Variants in PPEF2 observed in about 807,000 individuals in gnomAD.
PPEF2 encodes serine/threonine-protein phosphatase with EF-hands 2.
Under a neutral mutation model 84.7 loss-of-function variants are expected in PPEF2, and 84 were observed. The ratio of observed to expected loss-of-function variants is 0.99; its 90% CI spans 0.83 to 1.19. The LOEUF is 1.19. Among genes scored for constraint, PPEF2 ranks in the 50% most tolerant of loss-of-function variants. The pLI, the probability that PPEF2 is intolerant of heterozygous loss-of-function variation, is 0.00. For synonymous variants in PPEF2, 346 were observed against 345.2 expected (o/e 1.00, Z -0.03); for missense variants, 924 against 937.5 (o/e 0.99, Z 0.19).
chr4:75,893,796 C>G (rs1168210468), intron 2 of PPEF2, among the ~76,000 whole-genome samples: 1 of 151,912 alleles, frequency 6.6e-6, no homozygotes. Flanking sequence ...ATGAGACATA[C>G]GTATTACATC....
At position 75,861,041 on chromosome 4, in the gene PPEF2, T is replaced by C. The variant is rs1159831793; in HGVS notation, c.2009-121A>G. 4 of 1,191,348 alleles carry C rather than the reference T, an allele frequency of 3.4e-6. No individual in the cohort carries two copies. In the African/African-American group the frequency reaches 4.6e-5, roughly 14 times the overall value. The allele number at this position is 1,191,348 out of a possible 1,614,324, so 73.8% of individuals were successfully genotyped here. A position where few individuals can be genotyped will look rare whatever the true frequency, so the allele number is the denominator to read the frequency against. ...CAACAGAGAGACACACAAATCCTAG[T>C]ATCTAATTTAAACTCCCAAGAGGAT... On this transcript the variant is annotated intron_variant, in intron 16 of 16. Transcript: ENST00000286719.
intron 8 of PPEF2, among the ~76,000 whole-genome samples, chr4:75,883,817 CAAAAAAAAA>C (rs35897623): frequency 1.2e-4 from 7 of 60,700 alleles, no homozygotes; most frequent in African/African-American, 4.2e-4. Context: ...GACTCCGTCA[CAAAAAAAAA>C]AAAAAAAAAA....
Position 75,867,387 on chromosome 4 carries a change from G to A in PPEF2, c.1682C>T (p.Ala561Val). The A allele has an allele frequency of 6.2e-7, 1 of 1,613,984 alleles. No individual in the cohort carries two copies. Among genetic ancestry groups the A allele is most frequent in the Non-Finnish European group, 8.5e-7 (1 of 1,179,928 alleles). ...ISRVEESALR[A>V]LREKLFAHSS... is the part of the protein sequence containing the mutation. ...ATGAGCAAACAGCTTCTCCCTCAGAGCTCTCAGAGCCGACTCCTCCACTCT... is the reference window on the plus strand; with the variant it reads ...ATGAGCAAACAGCTTCTCCCTCAGAACTCTCAGAGCCGACTCCTCCACTCT... Residue 561 changes from alanine (A) to valine (V), a missense_variant, in exon 14 of 17, where the codon GCT (alanine) becomes GTT (valine). Coordinates refer to ENST00000286719, the MANE Select transcript of PPEF2 (RefSeq NM_006239.3).
At chr4:75,882,602 C>T (rs1724606370) in intron 10 of PPEF2, among the ~76,000 whole-genome samples, 1 of 150,730 alleles carries the variant, frequency 6.6e-6, no homozygotes, top group Admixed American at 6.7e-5. Flanking sequence ...CAATGGCAAT[C>T]AGAGCTCACT....
intron 11 of PPEF2, among the ~76,000 whole-genome samples, chr4:75,873,653 G>A (rs1724338710): frequency 1.3e-5 from 2 of 152,202 alleles, no homozygotes; most frequent in Non-Finnish European, 2.9e-5. Flanking sequence ...CAGTGCCAAT[G>A]CTCCAGGCTA....
rs375727917 is a variant in PPEF2 at position 75,876,383 on chromosome 4, C to G, written c.1224G>C (p.Leu408=). Residue 408 remains leucine (L), a synonymous_variant, in exon 11 of 17, where the codon CTG becomes CTC. Coordinates refer to ENST00000286719, the MANE Select transcript of PPEF2 (RefSeq NM_006239.3). The part of the protein sequence containing the change: ...LERCRQQAGL[L]VTGEKEEPSR... ...AGGGCTCCTCTTTCTCTCCGGTCAC[C>G]AGGAGGCCTGCTTGCTGCCGGCACC... 9 of 1,613,998 alleles carry G rather than the reference C, an allele frequency of 5.6e-6. No homozygotes were observed. The highest frequency in any genetic ancestry group is 7.6e-6 in the Non-Finnish European group (9 of 1,180,052).
At chr4:75,876,173 G>T in intron 11 of PPEF2, 114 bp downstream of exon 11, 1 of 1,192,906 alleles carries the variant, frequency 8.4e-7, no homozygotes. Context: ...CTGGGGTGTT[G>T]TTACCCCAGA....
At chr4:75,883,486 A>G (rs1724632141) in intron 8 of PPEF2, 3 of 400,268 alleles carry the variant, frequency 7.5e-6, no homozygotes, top group Non-Finnish European at 1.3e-5. Flanking sequence ...AAACAAATTC[A>G]ATGGTTTCAT....
intron 13 of PPEF2, among the ~76,000 whole-genome samples, chr4:75,869,675 C>T (rs963771019): frequency 6.6e-6 from 1 of 152,002 alleles, no homozygotes; most frequent in Non-Finnish European, 1.5e-5. Flanking sequence ...AGTGAGACTT[C>T]GTCTCTACAA....
chr4:75,870,020 G>A (rs1724231003), intron 13 of PPEF2, among the ~76,000 whole-genome samples: 1 of 152,164 alleles, frequency 6.6e-6, no homozygotes, highest in Admixed American at 6.5e-5. Context: ...GGTAAATCAG[G>A]TGATGTTGTA....
At chr4:75,899,649 A>G (rs1725077950) in intron 1 of PPEF2, among the ~76,000 whole-genome samples, 1 of 152,162 alleles carries the variant, frequency 6.6e-6, no homozygotes, top group Non-Finnish European at 1.5e-5. Context: ...TGGCTAGTTT[A>G]TTTTGAATAA....
chr4:75,884,299 G>A (rs547327199), intron 8 of PPEF2, among the ~76,000 whole-genome samples: 27 of 152,000 alleles, frequency 1.8e-4, no homozygotes, highest in African/African-American at 5.6e-4. Context: ...ATGGTGGTGC[G>A]TGCCTGTAAT....
intron 1 of PPEF2, among the ~76,000 whole-genome samples, chr4:75,898,498 C>T (rs1725056400): frequency 6.6e-6 from 1 of 152,262 alleles, no homozygotes. Flanking sequence ...AAGAAGCCAG[C>T]TTGACCTGCT....
At chr4:75,862,673 A>G (rs998392282) in intron 16 of PPEF2, among the ~76,000 whole-genome samples, 2 of 152,228 alleles carry the variant, frequency 1.3e-5, no homozygotes, top group African/African-American at 4.8e-5. Flanking sequence ...GGATGTAGAG[A>G]AACTGGAACC....
At chr4:75,888,372 T>A in intron 5 of PPEF2, 44 bp from the exon 6 acceptor site, 1 of 1,432,326 alleles carries the variant, frequency 7.0e-7, no homozygotes, top group Non-Finnish European at 9.8e-7. Flanking sequence ...AACACTGATA[T>A]TCGTGAGGGA....
intron 10 of PPEF2, among the ~76,000 whole-genome samples, chr4:75,882,470 A>G (rs548037108): frequency 5.5e-4 from 83 of 152,118 alleles, no homozygotes; most frequent in African/African-American, 1.8e-3. Flanking sequence ...CCCCACTGGC[A>G]TGTACATGGT....
rs1724422844 is a variant in PPEF2, at chr4:75,876,589, C to T, written c.1018G>A (p.Ala340Thr). The T allele has an allele frequency of 6.2e-7, 1 of 1,613,060 alleles. No homozygotes were observed. The highest frequency in any genetic ancestry group is 8.5e-7 in the Non-Finnish European group (1 of 1,179,476). ...EKRRANQKSS[A>T]QGPIPWFLPE... ...AGAAACCATGGGATGGGTCCCTGTGCAGAGCTCTTCTGGTTGGCTCTTCTC... is the reference window on the plus strand; with the variant it reads ...AGAAACCATGGGATGGGTCCCTGTGTAGAGCTCTTCTGGTTGGCTCTTCTC... The change falls in exon 11 of 17, where the codon GCA becomes ACA. Residue 340 changes from alanine (A) to threonine (T), a missense_variant. Coordinates refer to ENST00000286719, the MANE Select transcript of PPEF2 (RefSeq NM_006239.3).
intron 16 of PPEF2, among the ~76,000 whole-genome samples, chr4:75,862,292 CAAAAAAAA>C (rs545540824): frequency 1.0e-4 from 8 of 77,412 alleles, no homozygotes; most frequent in African/African-American, 3.4e-4. Flanking sequence ...GACTCCATCT[CAAAAAAAA>C]AAAAAAAAAA....
Position 75,876,601 on chromosome 4 carries a change from G to C in PPEF2, c.1006C>G (p.Gln336Glu). The change falls in exon 11 of 17, where the codon CAG (glutamine) becomes GAG (glutamate). Residue 336 changes from glutamine to glutamate, a missense_variant. Transcript: ENST00000286719. The stretch of plus-strand genomic sequence containing the variant: ...ATGGGTCCCTGTGCAGAGCTCTTCT[G>C]GTTGGCTCTTCTCTTCTCCTCCATC... The part of the protein sequence containing the change: ...KQMEEKRRAN[Q>E]KSSAQGPIPW... The C allele has an allele frequency of 6.2e-7, 1 of 1,608,528 alleles. No homozygotes were observed. Among genetic ancestry groups the C allele is most frequent in the South Asian group, 1.1e-5 (1 of 90,154 alleles).
Sources: allele counts gnomAD v4.1 joint callset (sites outside exome capture counted in the v4.1 genomes callset), GRCh38; gene constraint gnomAD v4.1.1; transcripts MANE v1.5; gene names NCBI Gene and HGNC (gene_info 2026-07-23, HGNC 2026-07-21).